GSC: variants seen among roughly 807,000 people sequenced by gnomAD.
GSC encodes the protein goosecoid homeobox, also known as homeobox protein goosecoid.
In GSC, 13 loss-of-function variants were observed where a neutral mutation model predicts 24.5. The observed-to-expected ratio is 0.53, with a 90% CI of 0.35 to 0.84. The LOEUF is 0.84. Ranked by LOEUF, GSC falls within the 40% of genes least tolerant of loss-of-function variation. GSC has a pLI of 0.01. For missense variants in GSC, 382 were observed against 384.2 expected (o/e 0.99, Z 0.05); for synonymous variants, 199 against 182.1 (o/e 1.09, Z -0.75).
rs755260260 is a variant in GSC at position 94,768,482 on chromosome 14, C to A, written c.*9G>T. 6.2e-7 allele frequency: 1 copy of A among 1,614,166 alleles called. No homozygotes were observed. On this transcript the variant is annotated 3_prime_UTR_variant, in exon 3 of 3. Coordinates refer to ENST00000238558, the MANE Select transcript of GSC (RefSeq NM_173849.3). ...TAGGTAAGTAATACGGGCAAGTGTC[C>A]CGCGGCCGTCAGCTGTCCGAGTCCA... is the stretch of plus-strand genomic sequence containing the variant.
chr14:94,768,359 A>G lies in GSC; in HGVS notation c.*132T>C. 1 of 1,234,902 alleles carries G rather than the reference A, an allele frequency of 8.1e-7. No homozygotes were observed. Among genetic ancestry groups the G allele is most frequent in the Non-Finnish European group, 1.2e-6 (1 of 849,482 alleles). The allele number at this position is 1,234,902 out of a possible 1,614,324, so 76.5% of individuals were successfully genotyped here. On this transcript the variant is annotated 3_prime_UTR_variant, in exon 3 of 3. Transcript: ENST00000238558. ...GACGCCGACCCTCCCGGCTCTGTAC[A>G]CTATTTACAGCTCCTCGTTCCTCTT...
chr14:94,769,876 C>T lies in GSC; in HGVS notation c.140G>A (p.Ser47Asn). 3 of 1,499,572 alleles carry T rather than the reference C, an allele frequency of 2.0e-6. No individual in the cohort carries two copies. Among genetic ancestry groups the T allele is most frequent in the Middle Eastern group, 2.1e-4 (1 of 4,798 alleles). 92.9% of individuals were successfully genotyped at this position (1,499,572 alleles called of 1,614,324 possible). Residue 47 changes from serine (S) to asparagine (N), a missense_variant, in exon 1 of 3, where the codon AGC (serine) becomes AAC (asparagine). Physicochemically the swap from Ser to Asn is conservative, Grantham distance 46. Transcript: ENST00000238558. ...ALHGDSLYGA[S>N]GGASSDYGAF... ...GCCATAGTCCGAGGAGGCGCCGCCG[C>T]TGGCGCCGTAGAGCGAGTCCCCGTG...
Position 94,769,889 on chromosome 14 carries a change from G to A in GSC, c.127C>T (p.Leu43Phe). 1 of 1,511,458 alleles carries A rather than the reference G, an allele frequency of 6.6e-7. No individual in the cohort carries two copies. Among genetic ancestry groups the A allele is most frequent in the Non-Finnish European group, 8.8e-7 (1 of 1,137,628 alleles). The allele number at this position is 1,511,458 out of a possible 1,614,324, so 93.6% of individuals were successfully genotyped here. The change falls in exon 1 of 3, where the codon CTC becomes TTC. Residue 43 changes from leucine to phenylalanine, a missense_variant. Transcript: ENST00000238558. ...GAGGCGCCGCCGCTGGCGCCGTAGA[G>A]CGAGTCCCCGTGCAGGGCCGGGAAG... is the stretch of plus-strand genomic sequence containing the variant. Reference protein sequence around the residue: ...VVFPALHGDSLYGASGGASSD... With the variant: ...VVFPALHGDSFYGASGGASSD...
chr14:94,769,996 C>A lies in GSC; in HGVS notation c.20G>T (p.Ser7Ile). The A allele has an allele frequency of 1.3e-6, 2 of 1,559,840 alleles. No individual in the cohort carries two copies. Among genetic ancestry groups the A allele is most frequent in the South Asian group, 1.2e-5 (1 of 85,908 alleles). MPASMF[S>I]IDNILAARPR... is the part of the protein sequence containing the mutation. ...CCGGGCGGCTAGGATGTTGTCGATG[C>A]TGAACATGCTGGCGGGCATCCCCGA... The change falls in exon 1 of 3, where the codon AGC becomes ATC. Residue 7 changes from serine to isoleucine, a missense_variant. Physicochemically the swap from Ser to Ile is moderately radical, Grantham distance 142. Transcript: ENST00000238558.
chr14:94,769,903 A>G lies in GSC; in HGVS notation c.113T>C (p.Leu38Pro), dbSNP rs1885250684. 2 of 1,525,116 alleles carry G rather than the reference A, an allele frequency of 1.3e-6. No homozygotes were observed. Among genetic ancestry groups the G allele is most frequent in the Non-Finnish European group, 1.7e-6 (2 of 1,143,898 alleles). The allele number at this position is 1,525,116 out of a possible 1,614,324, so 94.5% of individuals were successfully genotyped here. A position where few individuals can be genotyped will look rare whatever the true frequency, so the allele number is the denominator to read the frequency against. ...GGCGCCGTAGAGCGAGTCCCCGTGC[A>G]GGGCCGGGAAGACGACGGGAGCCGC... ...SAAAPVVFPALHGDSLYGASG... is the reference protein window; with the variant it reads ...SAAAPVVFPAPHGDSLYGASG... The change falls in exon 1 of 3, where the codon CTG becomes CCG. Residue 38 changes from leucine (L) to proline (P), a missense_variant. Leu to Pro is a moderately conservative substitution (Grantham distance 98). Transcript: ENST00000238558.
At chr14:94,769,351 CA>C in intron 1 of GSC, 134 bp from the exon 2 acceptor site, 1 of 1,192,606 alleles carries the variant, frequency 8.4e-7, no homozygotes, top group Non-Finnish European at 1.2e-6. Flanking sequence ...GCACGGGAAT[CA>C]GGGGTGCAGG....
chr14:94,768,398 C>T lies in GSC; in HGVS notation c.*93G>A. 2 of 1,487,788 alleles carry T rather than the reference C, an allele frequency of 1.3e-6. No individual in the cohort carries two copies. Among genetic ancestry groups the T allele is most frequent in the Non-Finnish European group, 1.9e-6 (2 of 1,066,866 alleles). 92.2% of individuals were successfully genotyped at this position (1,487,788 alleles called of 1,614,324 possible). A position where few individuals can be genotyped will look rare whatever the true frequency, so the allele number is the denominator to read the frequency against. Reference sequence around the variant, plus strand: ...CTCGTTCCTCTTTCTCGACCCCCTCCCGCAAGGCAGCGCGTGTGCAAGAAA... The same window carrying T: ...CTCGTTCCTCTTTCTCGACCCCCTCTCGCAAGGCAGCGCGTGTGCAAGAAA... On this transcript the variant is annotated 3_prime_UTR_variant, in exon 3 of 3. Coordinates refer to ENST00000238558, the MANE Select transcript of GSC (RefSeq NM_173849.3).
chr14:94,769,149 C>T lies in GSC; in HGVS notation c.424G>A (p.Gly142Ser). Reference sequence around the variant, plus strand: ...TGCAGCTCGGTGCGCGACAGCGTGCCCACGTTCATGTAGGGCAGCATCTGG... The same window carrying T: ...TGCAGCTCGGTGCGCGACAGCGTGCTCACGTTCATGTAGGGCAGCATCTGG... Reference protein sequence around the residue: ...PHQMLPYMNVGTLSRTELQLL... With the variant: ...PHQMLPYMNVSTLSRTELQLL... Residue 142 changes from glycine (G) to serine (S), a missense_variant, in exon 2 of 3, where the codon GGC becomes AGC. Physicochemically the swap from Gly to Ser is moderately conservative, Grantham distance 56. Coordinates refer to ENST00000238558, the MANE Select transcript of GSC (RefSeq NM_173849.3). 1 of 1,569,784 alleles carries T rather than the reference C, an allele frequency of 6.4e-7. No homozygotes were observed. The highest frequency in any genetic ancestry group is 1.7e-4 in the Middle Eastern group (1 of 5,756).
chr14:94,770,113 C>A lies in GSC; in HGVS notation c.-98G>T. 8.3e-7 allele frequency: 1 copy of A among 1,202,214 alleles called. No homozygotes were observed. 74.5% of individuals were successfully genotyped at this position (1,202,214 alleles called of 1,614,324 possible). On this transcript the variant is annotated 5_prime_UTR_variant, in exon 1 of 3. Coordinates refer to ENST00000238558, the MANE Select transcript of GSC (RefSeq NM_173849.3). ...ACTCTCCTCCAGCCGCCGACCAAAC[C>A]GAAAGAGAGCGCCGGCGAGCGCGCA...
At position 94,768,944 on chromosome 14, in the gene GSC, G is replaced by A; in HGVS notation, c.615+14C>T. On this transcript the variant is annotated intron_variant, in intron 2 of 2. Transcript: ENST00000238558. ...AAGGACCGCTAGGCGCCCACGGCAG[G>A]CCCCGGCGCCTACCTCCACTTTCTC... The A allele has an allele frequency of 6.4e-7, 1 of 1,572,480 alleles. No homozygotes were observed. Among genetic ancestry groups the A allele is most frequent in the Non-Finnish European group, 8.6e-7 (1 of 1,160,478 alleles).
At chr14:94,768,899 T>C (rs1444499227) in intron 2 of GSC, 59 bp downstream of exon 2, 1 of 1,547,474 alleles carries the variant, frequency 6.5e-7, no homozygotes, top group Non-Finnish European at 8.7e-7. Context: ...CAAACCCGAC[T>C]GGGGCCCCAC....
rs766083410 is a variant in GSC, at chr14:94,769,941, C to G, written c.75G>C (p.Val25=). 5.0e-5 allele frequency: 78 copies of G among 1,546,302 alleles called. No homozygotes were observed. The highest frequency in any genetic ancestry group is 2.9e-4 in the Admixed American group (15 of 52,610). ...RPRCKDSVLP[V]AHSAAAPVVF... ...CGACGGGAGCCGCCGCGCTGTGCGC[C>G]ACCGGCAACACCGAGTCCTTGCAGC... Residue 25 remains valine (V), a synonymous_variant, in exon 1 of 3, where the codon GTG becomes GTC. Coordinates refer to ENST00000238558, the MANE Select transcript of GSC (RefSeq NM_173849.3).
rs1317804947 is a variant in GSC, at chr14:94,769,209, C to T, written c.364G>A (p.Gly122Ser). ...GGGGACACCAGCACCGAACCGGGGC[C>T]CTCGTAGCCTGCGACAGAGTGGGGC... Reference protein sequence around the residue: ...SCVPTPPGYEGPGSVLVSPVP... With the variant: ...SCVPTPPGYESPGSVLVSPVP... Residue 122 changes from glycine (G) to serine (S), a missense_variant, in exon 2 of 3, where the codon GGC becomes AGC. Gly to Ser is a moderately conservative substitution (Grantham distance 56). Transcript: ENST00000238558. 8.4e-6 allele frequency: 13 copies of T among 1,554,414 alleles called. No homozygotes were observed. The East Asian group carries it at 2.7e-4, about 32-fold the overall frequency.
Position 94,769,893 on chromosome 14 carries a change from G to T in GSC, c.123C>A (p.Asp41Glu). ...APVVFPALHG[D>E]SLYGASGGAS... ...CGCCGCCGCTGGCGCCGTAGAGCGA[G>T]TCCCCGTGCAGGGCCGGGAAGACGA... The change falls in exon 1 of 3, where the codon GAC becomes GAA. Residue 41 changes from aspartate (D) to glutamate (E), a missense_variant. Transcript: ENST00000238558. 6.6e-7 allele frequency: 1 copy of T among 1,513,538 alleles called. No homozygotes were observed. The highest frequency in any genetic ancestry group is 1.4e-5 in the African/African-American group (1 of 69,754). 93.8% of individuals were successfully genotyped at this position (1,513,538 alleles called of 1,614,324 possible). A position where few individuals can be genotyped will look rare whatever the true frequency, so the allele number is the denominator to read the frequency against.
Position 94,769,846 on chromosome 14 carries a change from A to G in GSC, c.170T>C (p.Phe57Ser). ...SGGASSDYGA[F>S]YPRPVAPGGA... ...GCCGGGGGCCACGGGGCGCGGGTAG[A>G]AGGCGCCATAGTCCGAGGAGGCGCC... Residue 57 changes from phenylalanine to serine, a missense_variant, in exon 1 of 3, where the codon TTC becomes TCC. Transcript: ENST00000238558. 1.4e-6 allele frequency: 2 copies of G among 1,452,630 alleles called. No homozygotes were observed. The highest frequency in any genetic ancestry group is 1.8e-6 in the Non-Finnish European group (2 of 1,113,402). The allele number at this position is 1,452,630 out of a possible 1,614,324, so 90.0% of individuals were successfully genotyped here.
intron 1 of GSC, among the ~76,000 whole-genome samples, chr14:94,769,424 C>CAAAACAAAA (rs1885238075): frequency 7.0e-6 from 1 of 143,426 alleles, no homozygotes. Flanking sequence ...TAAGAGAATT[C>CAAAACAAAA]AAAACAAAAC....
chr14:94,768,765 G>C, intron 2 of GSC, 116 bp from the exon 3 acceptor site: 2 of 1,463,166 alleles, frequency 1.4e-6, no homozygotes, highest in South Asian at 2.3e-5. Flanking sequence ...AACAAAAGGA[G>C]GGGAGCCGCT....
At chr14:94,768,866 G>T in intron 2 of GSC, 92 bp downstream of exon 2, 1 of 1,499,628 alleles carries the variant, frequency 6.7e-7, no homozygotes. Flanking sequence ...TTTAAAGTGC[G>T]GGGAGAGCCA....
Position 94,769,203 on chromosome 14 carries a change from C to G in GSC, c.370G>C (p.Gly124Arg). ...GGTACCGGGGACACCAGCACCGAACCGGGGCCCTCGTAGCCTGCGACAGAG... is the reference window on the plus strand; with the variant it reads ...GGTACCGGGGACACCAGCACCGAACGGGGGCCCTCGTAGCCTGCGACAGAG... The part of the protein sequence containing the change: ...VPTPPGYEGP[G>R]SVLVSPVPHQ... Residue 124 changes from glycine to arginine, a missense_variant, in exon 2 of 3, where the codon GGT (glycine) becomes CGT (arginine). By Grantham distance (125) the Gly-to-Arg change is moderately radical. Transcript: ENST00000238558. 7 of 1,556,042 alleles carry G rather than the reference C, an allele frequency of 4.5e-6. No homozygotes were observed. Among genetic ancestry groups the G allele is most frequent in the Non-Finnish European group, 6.1e-6 (7 of 1,150,562 alleles).
Sources: allele counts gnomAD v4.1 joint callset (sites outside exome capture counted in the v4.1 genomes callset), GRCh38; gene constraint gnomAD v4.1.1; transcripts MANE v1.5; gene names NCBI Gene and HGNC (gene_info 2026-07-23, HGNC 2026-07-21).